Variants in UBE2Q1 observed in about 807,000 individuals in gnomAD.
UBE2Q1 encodes the protein ubiquitin conjugating enzyme E2 Q1.
A neutral mutation model predicts 60.1 loss-of-function variants in UBE2Q1; 6 were observed. The observed-to-expected ratio is 0.10, with a 90% CI of 0.05 to 0.20. UBE2Q1 has a LOEUF of 0.20. Ranked by LOEUF, UBE2Q1 falls within the 10% of genes least tolerant of loss-of-function variation. UBE2Q1 has a pLI of 1.00. For synonymous variants in UBE2Q1, 226 were observed against 208.3 expected, an observed-to-expected ratio of 1.09 and a Z score of -0.73; for missense variants, 262 against 525.8, an observed-to-expected ratio of 0.50 and a Z score of 4.91.
intron 11 of UBE2Q1, 181 bp from the exon 12 acceptor site, chr1:154,551,185 TC>T: frequency 2.3e-6 from 2 of 867,390 alleles, no homozygotes; most frequent in Non-Finnish European, 3.6e-6. Context: ...GTCTTCCTTT[TC>T]CAGACCCGAA....
intron 1 of UBE2Q1, among the ~76,000 whole-genome samples, chr1:154,557,296 C>T (rs1241197436): frequency 1.3e-5 from 2 of 152,202 alleles, no homozygotes; most frequent in African/African-American, 4.8e-5. Flanking sequence ...GCTACTGCTC[C>T]GGTAGAGAGA....
In UBE2Q1 at chr1:154,555,613, G is replaced by A. The variant is rs924947825; in HGVS notation, c.433-81C>T. On this transcript the variant is annotated intron_variant, in intron 2 of 12. Transcript: ENST00000292211. ...GTGCATGGATGAGCTCTTAGTTTGG[G>A]CCCCACACCAATAACTAGTTCTCTA... 7.6e-6 allele frequency: 10 copies of A among 1,316,242 alleles called. No homozygotes were observed. The African/African-American group carries it at 8.7e-5, about 11-fold the overall frequency. 81.5% of individuals were successfully genotyped at this position (1,316,242 alleles called of 1,614,324 possible).
At chr1:154,557,680 A>C (rs1025298417) in intron 1 of UBE2Q1, among the ~76,000 whole-genome samples, 4 of 152,188 alleles carry the variant, frequency 2.6e-5, no homozygotes, top group African/African-American at 9.7e-5. Flanking sequence ...AAGGAAGAGG[A>C]GTCAATGAAT....
chr1:154,558,580 G>A lies in UBE2Q1; in HGVS notation c.-27C>T, dbSNP rs1695936453. ...CTCCGCTCCGCTCCGCTCCGGGGCC[G>A]GCGGGCCGGGAGCCTCCGGCCTGCG... is the stretch of plus-strand genomic sequence containing the variant. On this transcript the variant is annotated 5_prime_UTR_variant, in exon 1 of 13. Transcript: ENST00000292211. The A allele has an allele frequency of 9.8e-7, 1 of 1,015,472 alleles. No individual in the cohort carries two copies. The highest frequency in any genetic ancestry group is 1.2e-6 in the Non-Finnish European group (1 of 854,846). The allele number at this position is 1,015,472 out of a possible 1,614,324, so 62.9% of individuals were successfully genotyped here. A position where few individuals can be genotyped will look rare whatever the true frequency, so the allele number is the denominator to read the frequency against.
rs991649701 is a variant in UBE2Q1, at chr1:154,558,218, G to A, written c.327+9C>T. Reference sequence around the variant, plus strand: ...GCCCCCACAGAGGCGCACGCGAGGGGGTCCTCACCGTGATGTTGCAGTGGA... The same window carrying A: ...GCCCCCACAGAGGCGCACGCGAGGGAGTCCTCACCGTGATGTTGCAGTGGA... On this transcript the variant is annotated intron_variant, in intron 1 of 12. Coordinates refer to ENST00000292211, the MANE Select transcript of UBE2Q1 (RefSeq NM_017582.7). 6.6e-7 allele frequency: 1 copy of A among 1,520,790 alleles called. No individual in the cohort carries two copies. Among genetic ancestry groups the A allele is most frequent in the South Asian group, 1.2e-5 (1 of 80,624 alleles). The allele number at this position is 1,520,790 out of a possible 1,614,324, so 94.2% of individuals were successfully genotyped here.
chr1:154,551,842 C>G lies in UBE2Q1; in HGVS notation c.1026-23G>C, dbSNP rs763559222. On this transcript the variant is annotated intron_variant, in intron 9 of 12. Transcript: ENST00000292211. ...TACCTGCATGAGAAAGGTTAGTCAG[C>G]TGTGCCTGACAAAATCTCCAAGTCT... is the stretch of plus-strand genomic sequence containing the variant. 12 of 1,614,116 alleles carry G rather than the reference C, an allele frequency of 7.4e-6. No individual in the cohort carries two copies. In the Admixed American group the frequency reaches 1.2e-4, roughly 16 times the overall value.
In UBE2Q1 at chr1:154,551,833, G is replaced by C. The variant is rs1263517704; in HGVS notation, c.1026-14C>G. On this transcript the variant is annotated splice_polypyrimidine_tract_variant and intron_variant, in intron 9 of 12. Coordinates refer to ENST00000292211, the MANE Select transcript of UBE2Q1 (RefSeq NM_017582.7). ...CCCAGAACATACCTGCATGAGAAAGGTTAGTCAGCTGTGCCTGACAAAATC... is the reference window on the plus strand; with the variant it reads ...CCCAGAACATACCTGCATGAGAAAGCTTAGTCAGCTGTGCCTGACAAAATC... 6 of 1,614,126 alleles carry C rather than the reference G, an allele frequency of 3.7e-6. No individual in the cohort carries two copies. Among genetic ancestry groups the C allele is most frequent in the Non-Finnish European group, 4.2e-6 (5 of 1,180,040 alleles).
At position 154,549,597 on chromosome 1, in the gene UBE2Q1, C is replaced by T. The variant is rs985478672; in HGVS notation, c.*841G>A. ...ACACACTTGGAGACTGTGTCCCCAT[C>T]CCCACTCAATTCATTCAAAAGGAAT... On this transcript the variant is annotated 3_prime_UTR_variant, in exon 13 of 13. Coordinates refer to ENST00000292211, the MANE Select transcript of UBE2Q1 (RefSeq NM_017582.7). The T allele has an allele frequency of 6.5e-6, 1 of 152,674 alleles. No homozygotes were observed. The highest frequency in any genetic ancestry group is 2.4e-5 in the African/African-American group (1 of 41,450). 9.5% of individuals were successfully genotyped at this position (152,674 alleles called of 1,614,324 possible). A position where few individuals can be genotyped will look rare whatever the true frequency, so the allele number is the denominator to read the frequency against.
At chr1:154,553,010 C>G in intron 5 of UBE2Q1, 22 bp downstream of exon 5, 5 of 1,612,416 alleles carry the variant, frequency 3.1e-6, no homozygotes, top group Non-Finnish European at 3.4e-6. Context: ...CCTTCACCAG[C>G]CTCTCTCTAG....
At chr1:154,555,105 C>G in intron 3 of UBE2Q1, 1 of 541,336 alleles carries the variant, frequency 1.8e-6, no homozygotes, top group Non-Finnish European at 3.3e-6. Context: ...ATATTGCATT[C>G]TTGGTTCTCA....
In UBE2Q1 at chr1:154,552,812, C is replaced by T. The variant is rs1196453123; in HGVS notation, c.738G>A (p.Val246=). ...NQRQDYLNGA[V]SGSVQATDRL... is the part of the protein sequence containing the mutation. The stretch of plus-strand genomic sequence containing the variant: ...GGTCAGTGGCCTGCACCGAGCCAGA[C>T]ACTGCACCCTGTGAGGGACGGATGA... Residue 246 remains valine (V), a synonymous_variant, in exon 6 of 13, where the codon GTG becomes GTA. Transcript: ENST00000292211. 2.5e-6 allele frequency: 4 copies of T among 1,614,220 alleles called. No individual in the cohort carries two copies. The South Asian group carries it at 3.3e-5, about 13-fold the overall frequency.
At chr1:154,551,080 C>T in intron 11 of UBE2Q1, 76 bp from the exon 12 acceptor site, 1 of 1,521,432 alleles carries the variant, frequency 6.6e-7, no homozygotes, top group South Asian at 1.1e-5. Context: ...CAGGCTGTCA[C>T]CCAGAGACCC....
In UBE2Q1 at chr1:154,549,624, C is replaced by G. The variant is rs891897107; in HGVS notation, c.*814G>C. On this transcript the variant is annotated 3_prime_UTR_variant, in exon 13 of 13. Coordinates refer to ENST00000292211, the MANE Select transcript of UBE2Q1 (RefSeq NM_017582.7). ...CCACTCAATTCATTCAAAAGGAATT[C>G]TACGAAGCAGCCTCTTGAGCCTCAT... 3 of 152,788 alleles carry G rather than the reference C, an allele frequency of 2.0e-5. No individual in the cohort carries two copies. Among genetic ancestry groups the G allele is most frequent in the Non-Finnish European group, 4.4e-5 (3 of 68,048 alleles). 9.5% of individuals were successfully genotyped at this position (152,788 alleles called of 1,614,324 possible).
chr1:154,555,248 T>C (rs1334377805), intron 3 of UBE2Q1, among the ~76,000 whole-genome samples, 180 bp downstream of exon 3: 1 of 152,184 alleles, frequency 6.6e-6, no homozygotes, highest in Non-Finnish European at 1.5e-5. Context: ...AAGCTACCAG[T>C]GCCCCATTTA....
At position 154,553,127 on chromosome 1, in the gene UBE2Q1, C is replaced by G. The variant is rs528168401; in HGVS notation, c.634G>C (p.Ala212Pro). The change falls in exon 5 of 13, where the codon GCT (alanine) becomes CCT (proline). Residue 212 changes from alanine (A) to proline (P), a missense_variant. Ala to Pro is a conservative substitution (Grantham distance 27). Coordinates refer to ENST00000292211, the MANE Select transcript of UBE2Q1 (RefSeq NM_017582.7). ...DHYEMKEEEP[A>P]EGKKSEDDGI... Reference sequence around the variant, plus strand: ...TCATCTTCAGATTTCTTGCCCTCAGCTGGCTCTTCCTCTTTCATTTCATAG... The same window carrying G: ...TCATCTTCAGATTTCTTGCCCTCAGGTGGCTCTTCCTCTTTCATTTCATAG... 6.2e-7 allele frequency: 1 copy of G among 1,613,922 alleles called. No homozygotes were observed. The highest frequency in any genetic ancestry group is 1.1e-5 in the South Asian group (1 of 91,078).
intron 4 of UBE2Q1, among the ~76,000 whole-genome samples, chr1:154,553,874 G>A (rs1268419879): frequency 6.6e-6 from 1 of 152,230 alleles, no homozygotes; most frequent in East Asian, 1.9e-4. Context: ...CCAGAGGGCT[G>A]TCCACTATCT....
At chr1:154,556,882 G>A (rs551377109) in intron 1 of UBE2Q1, among the ~76,000 whole-genome samples, 33 of 152,264 alleles carry the variant, frequency 2.2e-4, no homozygotes, top group African/African-American at 7.7e-4. Flanking sequence ...AAATTAACTC[G>A]AGGTTCCCAC....
At chr1:154,555,271 T>G (rs1695863469) in intron 3 of UBE2Q1, among the ~76,000 whole-genome samples, 157 bp downstream of exon 3, 1 of 152,174 alleles carries the variant, frequency 6.6e-6, no homozygotes, top group African/African-American at 2.4e-5. Context: ...AAAAGAAGAT[T>G]CCCATCTGGA....
At chr1:154,551,221 C>T (rs892910242) in intron 11 of UBE2Q1, 176 bp downstream of exon 11, 2 of 832,784 alleles carry the variant, frequency 2.4e-6, no homozygotes, top group Non-Finnish European at 3.8e-6. Flanking sequence ...CTAGGGGTGC[C>T]CCTAGGGGCC....
Sources: gnomAD v4.1 joint callset for allele counts (sites outside exome capture counted in the v4.1 genomes callset) on GRCh38, gnomAD v4.1.1 for gene constraint, MANE v1.5 for transcripts, NCBI Gene and HGNC (gene_info 2026-07-23, HGNC 2026-07-21) for gene names.